Variants in NEU3 observed in about 807,000 individuals in gnomAD.
NEU3 encodes the protein neuraminidase 3, also known as sialidase-3.
In NEU3, 10 loss-of-function variants were observed where a neutral mutation model predicts 11.4. That is an observed-to-expected ratio of 0.88 (90% confidence interval 0.54 to 1.49). NEU3 has a LOEUF of 1.49. Among genes scored for constraint, NEU3 ranks in the 40% most tolerant of loss-of-function variants. The probability of loss-of-function intolerance (pLI) is 0.00; values close to 1 mark genes in which losing one functional copy is unlikely to be tolerated. For missense variants in NEU3, 529 were observed against 581.8 expected (o/e 0.91, Z 0.93); for synonymous variants, 212 against 228.2 (o/e 0.93, Z 0.64).
chr11:74,983,633 C>G (rs529567678), upstream of NEU3, among the ~76,000 whole-genome samples: 78 of 152,338 alleles, frequency 5.1e-4, 1 homozygote, highest in South Asian at 0.016. Flanking sequence ...GAGAGTCATC[C>G]TATTGGAAAT....
At chr11:74,988,560 G>A (rs886786977), upstream of NEU3, 1 of 160,208 alleles carries the variant, frequency 6.2e-6, no homozygotes, top group African/African-American at 2.4e-5. Flanking sequence ...AGTAGCCAAT[G>A]CTCTGGACCT....
chr11:74,989,744 T>A (rs1028037149), intron 1 of NEU3, among the ~76,000 whole-genome samples: 2 of 152,144 alleles, frequency 1.3e-5, no homozygotes, highest in African/African-American at 4.8e-5. Flanking sequence ...ATTTTATAAG[T>A]GAGGAAACTG....
intron 1 of NEU3, among the ~76,000 whole-genome samples, chr11:74,989,793 G>A (rs555929333): frequency 1.2e-4 from 19 of 152,288 alleles, no homozygotes; most frequent in African/African-American, 4.6e-4. Flanking sequence ...AAGTGTCAAA[G>A]ATAAGTCAGA....
Position 75,006,204 on chromosome 11 carries a change from C to G in NEU3, c.1098C>G (p.His366Gln). Residue 366 changes from histidine to glutamine, a missense_variant, in exon 3 of 3, where the codon CAC becomes CAG. His to Gln is a conservative substitution (Grantham distance 24, BLOSUM62 0). Coordinates refer to ENST00000294064, the MANE Select transcript of NEU3 (RefSeq NM_006656.6). Reference sequence around the variant, plus strand: ...CAGAATCATGGCTCTTGTACTCACACCCAACCAGTAGGAAACAGAGGGTTG... The same window carrying G: ...CAGAATCATGGCTCTTGTACTCACAGCCAACCAGTAGGAAACAGAGGGTTG... ...TPSESWLLYS[H>Q]PTSRKQRVDL... 6.2e-7 allele frequency: 1 copy of G among 1,614,014 alleles called. No homozygotes were observed.
chr11:75,013,711 T>C (rs1392684905), downstream of NEU3, among the ~76,000 whole-genome samples: 1 of 152,168 alleles, frequency 6.6e-6, no homozygotes, highest in African/African-American at 2.4e-5. Context: ...ACAAGGGAAA[T>C]AACATTTGTA....
At position 75,009,864 on chromosome 11, in the gene NEU3, C is replaced by G. The variant is rs1948939002; in HGVS notation, c.*3372C>G. 6.6e-6 allele frequency: 1 copy of G among 152,306 alleles called. No homozygotes were observed. The highest frequency in any genetic ancestry group is 2.4e-5 in the African/African-American group (1 of 41,438). The allele number at this position is 152,306 out of a possible 1,614,324, so 9.4% of individuals were successfully genotyped here. A position where few individuals can be genotyped will look rare whatever the true frequency, so the allele number is the denominator to read the frequency against. On this transcript the variant is annotated 3_prime_UTR_variant, in exon 3 of 3. Coordinates refer to ENST00000294064, the MANE Select transcript of NEU3 (RefSeq NM_006656.6). ...ACTTGTTTCCCCTGGTCACCAGTCT[C>G]CCCTCCGATATTCACAGGACATCAA...
At chr11:74,995,061 A>G in intron 2 of NEU3, 1 of 555,330 alleles carries the variant, frequency 1.8e-6, no homozygotes, top group Admixed American at 3.1e-5. Context: ...AGAGACCTCC[A>G]CAGTTATTTA....
intron 1 of NEU3, among the ~76,000 whole-genome samples, chr11:74,993,377 T>C (rs1035322798): frequency 7.9e-5 from 12 of 152,140 alleles, no homozygotes; most frequent in African/African-American, 2.9e-4. Flanking sequence ...CTAATTTTTT[T>C]GTATTTTTAG....
At chr11:74,991,299 TG>T (rs1948730116) in intron 1 of NEU3, among the ~76,000 whole-genome samples, 1 of 152,210 alleles carries the variant, frequency 6.6e-6, no homozygotes, top group Non-Finnish European at 1.5e-5. Context: ...GTTGAGAGCC[TG>T]GGATTGAAAT....
chr11:75,011,955 G>GGTTAC (rs1217969652), downstream of NEU3, among the ~76,000 whole-genome samples: 9 of 151,908 alleles, frequency 5.9e-5, no homozygotes, highest in African/African-American at 2.2e-4. Flanking sequence ...TCTCCTCTTT[G>GGTTAC]GTTACGTTGT....
chr11:75,004,227 A>G, intron 2 of NEU3: 1 of 624,192 alleles, frequency 1.6e-6, no homozygotes, highest in Non-Finnish European at 2.8e-6. Context: ...CAGTATTGTC[A>G]AGCTTTATGA....
chr11:74,988,459 A>G (rs1191576427), upstream of NEU3: 1 of 152,366 alleles, frequency 6.6e-6, no homozygotes, highest in Non-Finnish European at 1.5e-5. Context: ...ACTCAGTGCT[A>G]TGTGACAAAT....
At chr11:74,992,901 A>C (rs1380443005) in intron 1 of NEU3, among the ~76,000 whole-genome samples, 2 of 152,158 alleles carry the variant, frequency 1.3e-5, no homozygotes, top group African/African-American at 4.8e-5. Flanking sequence ...TGGAGGTTGC[A>C]GTGAGCCGAG....
intron 1 of NEU3, among the ~76,000 whole-genome samples, chr11:74,991,412 A>C (rs576905238): frequency 6.6e-6 from 1 of 152,216 alleles, no homozygotes; most frequent in Non-Finnish European, 1.5e-5. Context: ...GGAACAAGTG[A>C]CTAAATATTC....
At position 75,005,798 on chromosome 11, in the gene NEU3, C is replaced by T. The variant is rs1948891201; in HGVS notation, c.692C>T (p.Pro231Leu). Residue 231 changes from proline (P) to leucine (L), a missense_variant, in exon 3 of 3, where the codon CCT (proline) becomes CTT (leucine). Transcript: ENST00000294064. Reference sequence around the variant, plus strand: ...TTCCAGCTACCATGTAAAACCAGGCCTCATTCTCTGATGATCTACAGTGAT... The same window carrying T: ...TTCCAGCTACCATGTAAAACCAGGCTTCATTCTCTGATGATCTACAGTGAT... ...FCFQLPCKTR[P>L]HSLMIYSDDL... 3.7e-6 allele frequency: 6 copies of T among 1,613,970 alleles called. No individual in the cohort carries two copies. The highest frequency in any genetic ancestry group is 5.1e-6 in the Non-Finnish European group (6 of 1,179,870).
At chr11:75,004,242 G>C (rs1948875574) in intron 2 of NEU3, 5 of 642,814 alleles carry the variant, frequency 7.8e-6, no homozygotes, top group Non-Finnish European at 1.4e-5. Flanking sequence ...TTATGATTTT[G>C]CTAATTTGAT....
upstream of NEU3, chr11:74,988,914 G>T: frequency 1.5e-6 from 1 of 670,734 alleles, no homozygotes; most frequent in Non-Finnish European, 2.6e-6. Flanking sequence ...TCTTTTCGTT[G>T]CCGTTACCTG....
chr11:74,995,550 C>T (rs1470217720), intron 2 of NEU3, among the ~76,000 whole-genome samples: 2 of 152,148 alleles, frequency 1.3e-5, no homozygotes, highest in Admixed American at 1.3e-4. Flanking sequence ...CACAATAAAA[C>T]AAGACACATA....
intron 2 of NEU3, among the ~76,000 whole-genome samples, chr11:74,995,665 T>C (rs1336393791): frequency 6.6e-6 from 1 of 152,208 alleles, no homozygotes; most frequent in East Asian, 1.9e-4. Context: ...CACCTTAAAA[T>C]ACTGCTGAAA....
Sources: gnomAD v4.1 joint callset for allele counts (sites outside exome capture counted in the v4.1 genomes callset) on GRCh38, gnomAD v4.1.1 for gene constraint, MANE v1.5 for transcripts, NCBI Gene and HGNC (gene_info 2026-07-23, HGNC 2026-07-21) for gene names.